Variants in DLC1 observed in about 807,000 individuals in gnomAD.
The protein encoded by DLC1 is rho GTPase-activating protein 7.
Under a neutral mutation model 140.3 loss-of-function variants are expected in DLC1, and 54 were observed. The ratio of observed to expected loss-of-function variants is 0.38; its 90% confidence interval spans 0.31 to 0.48. The LOEUF (loss-of-function observed/expected upper bound fraction) is 0.48, where lower values mean the gene tolerates loss of function less well. DLC1 is among the 20% of genes least tolerant of loss of function. DLC1 has a pLI of 0.96. For synonymous variants in DLC1, 986 were observed against 728.1 expected, an observed-to-expected ratio of 1.35 and a Z score of -5.70; for missense variants, 2,536 against 1,907.0, an observed-to-expected ratio of 1.33 and a Z score of -6.14.
intron 4 of DLC1, among the ~76,000 whole-genome samples, chr8:13,323,445 A>C (rs1237943687): frequency 6.6e-6 from 1 of 152,210 alleles, no homozygotes; most frequent in African/African-American, 2.4e-5. Flanking sequence ...CATAGTAGAC[A>C]AAATGGAAAT....
intron 5 of DLC1, among the ~76,000 whole-genome samples, chr8:13,265,193 A>ATGGTC (rs1298983287): frequency 6.6e-6 from 1 of 152,216 alleles, no homozygotes; most frequent in Non-Finnish European, 1.5e-5. Context: ...AGCTTAAATT[A>ATGGTC]TGGTCTTTTA....
intron 4 of DLC1, among the ~76,000 whole-genome samples, chr8:13,388,969 A>C (rs1190546691): frequency 2.0e-5 from 3 of 151,968 alleles, no homozygotes; most frequent in Non-Finnish European, 4.4e-5. Context: ...ATTTATATTA[A>C]TTCTGAATCC....
chr8:13,353,584 G>A (rs1261193882), intron 4 of DLC1: 1 of 152,166 alleles, frequency 6.6e-6, no homozygotes, highest in Non-Finnish European at 1.5e-5. Flanking sequence ...GGCCAGGCGC[G>A]GGTGGCTCAT....
chr8:13,285,623 T>A (rs1831512508), intron 5 of DLC1, among the ~76,000 whole-genome samples: 2 of 152,058 alleles, frequency 1.3e-5, no homozygotes, highest in South Asian at 4.1e-4. Flanking sequence ...TACCATCACA[T>A]ACTAAAATTA....
At chr8:13,567,047 C>T in intron 1 of DLC1, 1 of 1,551,716 alleles carries the variant, frequency 6.4e-7, no homozygotes, top group Non-Finnish European at 8.7e-7. Context: ...GCAAACCTTT[C>T]TGATGAGACT....
chr8:13,329,633 G>C (rs954011377), intron 4 of DLC1, among the ~76,000 whole-genome samples: 8 of 152,076 alleles, frequency 5.3e-5, no homozygotes, highest in African/African-American at 1.7e-4. Context: ...CTCCTCATCT[G>C]TTCTATGATT....
intron 1 of DLC1, among the ~76,000 whole-genome samples, chr8:13,579,874 C>G (rs1805021615): frequency 6.6e-6 from 1 of 151,610 alleles, no homozygotes; most frequent in African/African-American, 2.4e-5. Flanking sequence ...CATGTTGTAT[C>G]AGTGATTTCC....
chr8:13,216,569 C>G lies in DLC1; in HGVS notation c.1348+88700G>C, dbSNP rs558386763. 2.0e-5 allele frequency among the ~76,000 whole-genome samples: 3 copies of G among 152,314 alleles called. No homozygotes were observed. The South Asian group carries it at 6.2e-4, about 32-fold the overall frequency. ...GCAGAACGTGCCAAGACTTCATAGTCTGCCTAAGGGTCCTTTCCTTCGTGT... is the reference window on the plus strand; with the variant it reads ...GCAGAACGTGCCAAGACTTCATAGTGTGCCTAAGGGTCCTTTCCTTCGTGT... On this transcript the variant is annotated intron_variant, in intron 5 of 17. Transcript: ENST00000276297.
intron 4 of DLC1, among the ~76,000 whole-genome samples, chr8:13,325,803 A>G (rs890015752): frequency 2.0e-5 from 3 of 152,226 alleles, no homozygotes; most frequent in African/African-American, 4.8e-5. Context: ...GTAGCGCTTT[A>G]TGTTTATTTC....
chr8:13,213,261 G>A (rs891348750), intron 5 of DLC1, among the ~76,000 whole-genome samples: 1 of 152,094 alleles, frequency 6.6e-6, no homozygotes, highest in African/African-American at 2.4e-5. Context: ...ACATATACCT[G>A]GGCCCACTGT....
At chr8:13,293,333 G>C (rs1831833034) in intron 5 of DLC1, among the ~76,000 whole-genome samples, 1 of 152,166 alleles carries the variant, frequency 6.6e-6, no homozygotes, top group African/African-American at 2.4e-5. Flanking sequence ...AGAGGAAAAA[G>C]AAAACCCATG....
chr8:13,565,662 G>A (rs1034307770), intron 1 of DLC1, among the ~76,000 whole-genome samples: 1 of 151,968 alleles, frequency 6.6e-6, no homozygotes, highest in Admixed American at 6.6e-5. Context: ...GGCTAGACCT[G>A]AATAATACCC....
chr8:13,431,118 A>G (rs776716369), intron 2 of DLC1, among the ~76,000 whole-genome samples: 18 of 152,200 alleles, frequency 1.2e-4, no homozygotes, highest in Non-Finnish European at 2.5e-4. Flanking sequence ...AAAGTAGCTT[A>G]AGCAAAAAAG....
chr8:13,270,749 G>C (rs1198124165), intron 5 of DLC1, among the ~76,000 whole-genome samples: 1 of 150,772 alleles, frequency 6.6e-6, no homozygotes, highest in Non-Finnish European at 1.5e-5. Flanking sequence ...TTTTTTTTTG[G>C]ACTGGTTGAA....
intron 2 of DLC1, among the ~76,000 whole-genome samples, chr8:13,462,569 AT>A (rs111507851): frequency 0.43 from 64,014 of 150,372 alleles, 13,750 homozygotes; most frequent in African/African-American, 0.46. Flanking sequence ...ACGCCCAGCT[AT>A]TTTTTTTTGT....
At chr8:13,089,869 G>C (rs1260365162) in intron 15 of DLC1, among the ~76,000 whole-genome samples, 1 of 152,142 alleles carries the variant, frequency 6.6e-6, no homozygotes, top group African/African-American at 2.4e-5. Context: ...AGGGCCAAGA[G>C]AACAGTAACT....
intron 5 of DLC1, among the ~76,000 whole-genome samples, chr8:13,292,633 T>A (rs1188886799): frequency 4.0e-5 from 6 of 151,202 alleles, no homozygotes; most frequent in Admixed American, 2.0e-4. Flanking sequence ...AATAATACTT[T>A]AAAAAAAAAC....
intron 2 of DLC1, among the ~76,000 whole-genome samples, chr8:13,418,473 TC>T (rs1365536477): frequency 6.6e-6 from 1 of 152,210 alleles, no homozygotes; most frequent in Non-Finnish European, 1.5e-5. Context: ...AAATAGGGAA[TC>T]CTTTCCCCAT....
At chr8:13,129,050 G>A (rs1014771732) in intron 5 of DLC1, among the ~76,000 whole-genome samples, 1 of 149,506 alleles carries the variant, frequency 6.7e-6, no homozygotes, top group Admixed American at 6.7e-5. Flanking sequence ...TCCCACAGAA[G>A]GAAAAGGGCC....
Sources: gnomAD v4.1 joint callset for allele counts (sites outside exome capture counted in the v4.1 genomes callset) on GRCh38, gnomAD v4.1.1 for gene constraint, MANE v1.5 for transcripts, NCBI Gene and HGNC (gene_info 2026-07-23, HGNC 2026-07-21) for gene names.